The following TMEM182 variants were observed in gnomAD, a reference collection of about 807,000 sequenced individuals.
TMEM182 encodes transmembrane protein 182.
TMEM182 carries 20 observed loss-of-function variants against 26.8 expected under a neutral mutation model. That is an observed-to-expected ratio of 0.75 (90% CI 0.53 to 1.09). TMEM182 has a LOEUF of 1.09. Ranked by LOEUF, TMEM182 falls within the 50% of genes least tolerant of loss-of-function variation. TMEM182 has a pLI of 0.00. For synonymous variants in TMEM182, 109 were observed against 102.2 expected (o/e 1.07, Z -0.40); for missense variants, 277 against 275.5 (o/e 1.01, Z -0.04).
intron 4 of TMEM182, among the ~76,000 whole-genome samples, chr2:102,803,692 G>A (rs759314539): frequency 1.3e-5 from 2 of 152,150 alleles, no homozygotes; most frequent in Non-Finnish European, 2.9e-5. Context: ...TTTTCCTTTG[G>A]CTGAGGCTGA....
chr2:102,750,355 G>A (rs1679842690), intron 1 of TMEM182, among the ~76,000 whole-genome samples: 1 of 152,186 alleles, frequency 6.6e-6, no homozygotes, highest in East Asian at 1.9e-4. Context: ...AGACCAGCTT[G>A]TATGTGCCTC....
chr2:102,791,225 C>T (rs1160777399), intron 3 of TMEM182, among the ~76,000 whole-genome samples: 2 of 152,070 alleles, frequency 1.3e-5, no homozygotes, highest in Non-Finnish European at 2.9e-5. Flanking sequence ...CATGAGCCAC[C>T]GTGCCCAGCC....
chr2:102,760,434 C>G (rs1680171110), upstream of TMEM182, among the ~76,000 whole-genome samples: 1 of 152,168 alleles, frequency 6.6e-6, no homozygotes, highest in Non-Finnish European at 1.5e-5. Flanking sequence ...ATGGCTGTTA[C>G]TGATGTCCTT....
At chr2:102,749,903 A>G (rs568640260) in intron 1 of TMEM182, among the ~76,000 whole-genome samples, 3 of 152,298 alleles carry the variant, frequency 2.0e-5, no homozygotes, top group Admixed American at 1.3e-4. Flanking sequence ...GAATAATACA[A>G]GGAATGAAAA....
At chr2:102,750,368 A>G (rs1679843260) in intron 1 of TMEM182, among the ~76,000 whole-genome samples, 1 of 152,174 alleles carries the variant, frequency 6.6e-6, no homozygotes, top group African/African-American at 2.4e-5. Flanking sequence ...TGTGCCTCCC[A>G]TGGTTGTAAG....
rs559274122 is a variant in TMEM182, at chr2:102,762,119, A to C, written c.-99A>C. ...AAGATTCTGCCAACTCAAAAATATT[A>C]TTCTTTTTTTTTTTTTTTTGCTGTT... On this transcript the variant is annotated 5_prime_UTR_variant, in exon 1 of 5. Coordinates refer to ENST00000412401, the MANE Select transcript of TMEM182 (RefSeq NM_144632.5). The C allele has an allele frequency of 7.9e-5, 79 of 997,086 alleles. No individual in the cohort carries two copies. The highest frequency in any genetic ancestry group is 6.8e-4 in the South Asian group (42 of 61,944). The allele number at this position is 997,086 out of a possible 1,614,324, so 61.8% of individuals were successfully genotyped here. A position where few individuals can be genotyped will look rare whatever the true frequency, so the allele number is the denominator to read the frequency against.
intron 3 of TMEM182, 129 bp downstream of exon 3, chr2:102,764,556 G>T: frequency 4.8e-6 from 3 of 624,816 alleles, no homozygotes; most frequent in Admixed American, 3.6e-5. Flanking sequence ...TTTGATATCT[G>T]TTAGATTAAA....
intron 3 of TMEM182, among the ~76,000 whole-genome samples, chr2:102,793,809 A>T (rs1681749011): frequency 6.6e-6 from 1 of 152,194 alleles, no homozygotes; most frequent in Non-Finnish European, 1.5e-5. Context: ...CAAAACCCAG[A>T]TAGAGAGGGC....
intron 3 of TMEM182, among the ~76,000 whole-genome samples, chr2:102,767,536 T>C (rs1680502468): frequency 6.6e-6 from 1 of 152,152 alleles, no homozygotes; most frequent in Non-Finnish European, 1.5e-5. Flanking sequence ...GAGAATTAAT[T>C]TTTTGCCTTC....
At chr2:102,814,678 T>C (rs558342003) in intron 4 of TMEM182, 70 bp from the exon 5 acceptor site, 9 of 1,371,668 alleles carry the variant, frequency 6.6e-6, no homozygotes, top group Non-Finnish European at 9.0e-6. Flanking sequence ...CGGTCAATGA[T>C]TGGTTTAGAT....
upstream of TMEM182, among the ~76,000 whole-genome samples, chr2:102,758,646 G>A (rs551625101): frequency 6.6e-6 from 1 of 152,180 alleles, no homozygotes; most frequent in Non-Finnish European, 1.5e-5. Flanking sequence ...TAGATTGCCA[G>A]TTGGATTGCT....
At chr2:102,761,762 C>A (rs1028827163), upstream of TMEM182, among the ~76,000 whole-genome samples, 3 of 152,196 alleles carry the variant, frequency 2.0e-5, no homozygotes, top group African/African-American at 7.2e-5. Flanking sequence ...GCATTCTAGA[C>A]TAAGAGGAGC....
intron 2 of TMEM182, 107 bp downstream of exon 2, chr2:102,762,793 T>A (rs536273324): frequency 1.2e-6 from 1 of 839,110 alleles, no homozygotes; most frequent in African/African-American, 1.7e-5. Flanking sequence ...AGTTACAAAA[T>A]CTCAATTAGA....
At chr2:102,806,961 A>T (rs1316494539) in intron 4 of TMEM182, among the ~76,000 whole-genome samples, 1 of 152,244 alleles carries the variant, frequency 6.6e-6, no homozygotes. Flanking sequence ...TCTTGTGAAT[A>T]AATATTTCCT....
chr2:102,819,606 G>T (rs61414569), downstream of TMEM182, among the ~76,000 whole-genome samples: 1 of 151,948 alleles, frequency 6.6e-6, no homozygotes, highest in Admixed American at 6.6e-5. Flanking sequence ...ATACATACAC[G>T]CCTGCCTCTA....
At chr2:102,827,266 T>C (rs1267010424) in intron 3 of TMEM182, among the ~76,000 whole-genome samples, 1 of 152,244 alleles carries the variant, frequency 6.6e-6, no homozygotes, top group Non-Finnish European at 1.5e-5. Context: ...CTTTTCTTTT[T>C]GTATAATTTC....
downstream of TMEM182, among the ~76,000 whole-genome samples, chr2:102,820,832 G>A (rs1682903174): frequency 6.6e-6 from 1 of 152,170 alleles, no homozygotes; most frequent in African/African-American, 2.4e-5. Flanking sequence ...GAAAGGACTT[G>A]CTGTGAATTA....
At chr2:102,752,971 C>T (rs1679919481) in intron 1 of TMEM182, among the ~76,000 whole-genome samples, 1 of 152,178 alleles carries the variant, frequency 6.6e-6, no homozygotes, top group Non-Finnish European at 1.5e-5. Context: ...ATTATTTTAA[C>T]TCTAAACGAA....
At chr2:102,792,360 A>G (rs1020733591) in intron 3 of TMEM182, among the ~76,000 whole-genome samples, 3 of 152,188 alleles carry the variant, frequency 2.0e-5, no homozygotes, top group African/African-American at 7.2e-5. Context: ...ACCTATGAAA[A>G]GAATACTGCT....
Sources: allele counts gnomAD v4.1 joint callset (sites outside exome capture counted in the v4.1 genomes callset), GRCh38; gene constraint gnomAD v4.1.1; transcripts MANE v1.5; gene names NCBI Gene and HGNC (gene_info 2026-07-23, HGNC 2026-07-21).